The following CDH13 variants were observed in gnomAD, a reference collection of about 807,000 sequenced individuals.
The protein encoded by CDH13 is cadherin 13, also known as cadherin-13.
CDH13 carries 24 observed loss-of-function variants against 63.8 expected under a neutral mutation model. That is an observed-to-expected ratio of 0.38 (90% confidence interval 0.27 to 0.53). The LOEUF is 0.53. Ranked by LOEUF, CDH13 falls within the 20% of genes least tolerant of loss-of-function variation. CDH13 has a pLI of 0.85. For synonymous variants in CDH13, 503 were observed against 355.3 expected, an observed-to-expected ratio of 1.42 and a Z score of -4.67; for missense variants, 1,049 against 903.1, an observed-to-expected ratio of 1.16 and a Z score of -2.07.
intron 1 of CDH13, among the ~76,000 whole-genome samples, chr16:82,676,863 T>C (rs1006018325): frequency 2.4e-4 from 32 of 135,702 alleles, no homozygotes; most frequent in Middle Eastern, 3.7e-3. Flanking sequence ...TGTTTTGGGT[T>C]TCTTTGTTTT....
At chr16:83,537,469 G>A (rs1186119943) in intron 7 of CDH13, among the ~76,000 whole-genome samples, 1 of 152,136 alleles carries the variant, frequency 6.6e-6, no homozygotes, top group African/African-American at 2.4e-5. Flanking sequence ...TTTGAATTTG[G>A]TAGTTATATG....
At chr16:83,183,180 A>G (rs1322091787) in intron 4 of CDH13, among the ~76,000 whole-genome samples, 3 of 152,322 alleles carry the variant, frequency 2.0e-5, no homozygotes, top group South Asian at 4.1e-4. Flanking sequence ...AAAGGGATAT[A>G]GCAAAAATTT....
chr16:82,781,563 T>C (rs916292189), intron 1 of CDH13, among the ~76,000 whole-genome samples: 2 of 152,028 alleles, frequency 1.3e-5, no homozygotes, highest in East Asian at 3.9e-4. Context: ...CTATCATCCA[T>C]CCATCCACCC....
chr16:83,559,558 C>T (rs540649444), intron 7 of CDH13, among the ~76,000 whole-genome samples: 26 of 123,750 alleles, frequency 2.1e-4, no homozygotes, highest in Admixed American at 6.3e-4. Context: ...GCAACAAGAG[C>T]GAAACTGTAT....
chr16:83,550,017 A>G (rs1253652612), intron 7 of CDH13, among the ~76,000 whole-genome samples: 1 of 152,228 alleles, frequency 6.6e-6, no homozygotes, highest in African/African-American at 2.4e-5. Context: ...TGACCAAGCC[A>G]AAAACACTAA....
chr16:83,208,056 C>G (rs148546095), intron 4 of CDH13, among the ~76,000 whole-genome samples: 1 of 152,138 alleles, frequency 6.6e-6, no homozygotes, highest in African/African-American at 2.4e-5. Context: ...AGCGCCTTCC[C>G]TGGGATGATG....
intron 5 of CDH13, among the ~76,000 whole-genome samples, chr16:83,235,490 C>T (rs953764125): frequency 5.9e-5 from 9 of 152,110 alleles, no homozygotes; most frequent in Non-Finnish European, 1.3e-4. Context: ...TAGCCGGGCC[C>T]CACTCCTACC....
At chr16:83,704,154 T>C (rs1906660195) in intron 10 of CDH13, among the ~76,000 whole-genome samples, 1 of 152,184 alleles carries the variant, frequency 6.6e-6, no homozygotes. Flanking sequence ...CACCTGAAGC[T>C]GTGATTTCCA....
At chr16:83,619,861 T>C (rs1012439025) in intron 8 of CDH13, among the ~76,000 whole-genome samples, 2 of 152,132 alleles carry the variant, frequency 1.3e-5, no homozygotes, top group Non-Finnish European at 2.9e-5. Flanking sequence ...CAATTCAAAG[T>C]CTAGCAGTGA....
intron 4 of CDH13, among the ~76,000 whole-genome samples, chr16:83,215,997 C>T (rs1381762122): frequency 1.4e-5 from 2 of 147,102 alleles, no homozygotes; most frequent in Non-Finnish European, 3.0e-5. Flanking sequence ...ACCCCCCATA[C>T]TTTGACCCCA....
chr16:83,084,694 G>A (rs2033468755), intron 3 of CDH13, among the ~76,000 whole-genome samples: 1 of 152,040 alleles, frequency 6.6e-6, no homozygotes, highest in South Asian at 2.1e-4. Flanking sequence ...TTTGAGACCG[G>A]CCTGGCCAAC....
chr16:83,130,004 G>A (rs1046887549), intron 4 of CDH13, among the ~76,000 whole-genome samples: 1 of 152,140 alleles, frequency 6.6e-6, no homozygotes, highest in Non-Finnish European at 1.5e-5. Context: ...ATCCCAGGAG[G>A]GAAAACCTCT....
At chr16:83,070,682 C>T (rs955028258) in intron 3 of CDH13, among the ~76,000 whole-genome samples, 1 of 152,084 alleles carries the variant, frequency 6.6e-6, no homozygotes, top group African/African-American at 2.4e-5. Flanking sequence ...AGATGATTGA[C>T]CTTCAATTAC....
chr16:83,261,484 C>G (rs1906985545), intron 5 of CDH13, among the ~76,000 whole-genome samples: 3 of 151,992 alleles, frequency 2.0e-5, no homozygotes, highest in Admixed American at 2.0e-4. Flanking sequence ...AGTGGAGGGA[C>G]AGGAATGAGT....
intron 11 of CDH13, among the ~76,000 whole-genome samples, chr16:83,767,103 A>G (rs929043584): frequency 6.6e-6 from 1 of 152,230 alleles, no homozygotes; most frequent in Non-Finnish European, 1.5e-5. Context: ...TGGCAAGACC[A>G]GGGATCCTAT....
chr16:83,777,428 C>G (rs1425555553), intron 11 of CDH13, among the ~76,000 whole-genome samples: 1 of 152,198 alleles, frequency 6.6e-6, no homozygotes, highest in African/African-American at 2.4e-5. Flanking sequence ...TGAGTCTTGG[C>G]AGAACACCCT....
At chr16:83,430,828 T>C (rs929875863) in intron 6 of CDH13, among the ~76,000 whole-genome samples, 2 of 152,128 alleles carry the variant, frequency 1.3e-5, no homozygotes, top group African/African-American at 4.8e-5. Flanking sequence ...AGTTCTTTTT[T>C]TTTTATACTT....
rs182520622 is a variant in CDH13, at chr16:83,784,503, A to G, written c.2134+1031A>G. ...AAAAATTAGCCAGCCATGGTGGCAC[A>G]TGCCTGTAGTCCCAGCTACTCGGGA... is the stretch of plus-strand genomic sequence containing the variant. On this transcript the variant is annotated intron_variant, in intron 13 of 13. Coordinates refer to ENST00000567109, the MANE Select transcript of CDH13 (RefSeq NM_001257.5). 8.1e-3 allele frequency among the ~76,000 whole-genome samples: 1,225 copies of G among 152,068 alleles called. 12 individuals carry two copies. Among genetic ancestry groups the G allele is most frequent in the Non-Finnish European group, 0.011 (775 of 67,964 alleles).
chr16:83,289,924 C>A lies in CDH13; in HGVS notation c.637-54938C>A, dbSNP rs149054413. 2.6e-5 allele frequency among the ~76,000 whole-genome samples: 4 copies of A among 152,244 alleles called. 1 individual carries two copies. The highest frequency in any genetic ancestry group is 9.6e-5 in the African/African-American group (4 of 41,544). On this transcript the variant is annotated intron_variant, in intron 5 of 13. Coordinates refer to ENST00000567109, the MANE Select transcript of CDH13 (RefSeq NM_001257.5). ...TAACCAAGTGATCCCACCTCTATAG[C>A]CAGCACCCAGATTAAGAAGCAGAAC...
Sources: allele counts gnomAD v4.1 joint callset (sites outside exome capture counted in the v4.1 genomes callset), GRCh38; gene constraint gnomAD v4.1.1; transcripts MANE v1.5; gene names NCBI Gene and HGNC (gene_info 2026-07-23, HGNC 2026-07-21).